The following ZNF644 variants were observed in gnomAD, a reference collection of about 807,000 sequenced individuals.
ZNF644 encodes the protein zinc finger protein 644, also known as zinc finger motif enhancer binding protein 2.
A neutral mutation model predicts 108.0 loss-of-function variants in ZNF644; 20 were observed. The ratio of observed to expected loss-of-function variants is 0.19; its 90% CI spans 0.13 to 0.27. The LOEUF is 0.27. Among genes scored for constraint, ZNF644 ranks in the 10% least tolerant of loss-of-function variants. ZNF644 has a pLI of 1.00. For missense variants in ZNF644, 1,338 were observed against 1,548.9 expected, an observed-to-expected ratio of 0.86 and a Z score of 2.29; for synonymous variants, 542 against 539.1, an observed-to-expected ratio of 1.01 and a Z score of -0.08.
At chr1:90,956,901 A>G (rs1653807326) in intron 2 of ZNF644, among the ~76,000 whole-genome samples, 1 of 152,182 alleles carries the variant, frequency 6.6e-6, no homozygotes. Context: ...CAAGATTGAC[A>G]AAGGAATTGA....
Position 90,938,205 on chromosome 1 carries a change from A to C in ZNF644, c.3082+67T>G, listed in dbSNP as rs1189558692. On this transcript the variant is annotated intron_variant, in intron 3 of 5. Transcript: ENST00000337393. This position sits in a 1 kb window ranked among gnomAD's most constrained non-coding sequence, Gnocchi z 4.2. ...TTCTAATAAAGACTAAATTCAAAAAAAACTTTTAAATCTTCAGAATTAGAA... is the reference window on the plus strand; with the variant it reads ...TTCTAATAAAGACTAAATTCAAAAACAACTTTTAAATCTTCAGAATTAGAA... 6.2e-7 allele frequency: 1 copy of C among 1,611,640 alleles called. No homozygotes were observed. The highest frequency in any genetic ancestry group is 8.5e-7 in the Non-Finnish European group (1 of 1,178,490).
At chr1:90,960,246 G>GT (rs1252577109) in intron 2 of ZNF644, among the ~76,000 whole-genome samples, 5 of 152,102 alleles carry the variant, frequency 3.3e-5, no homozygotes, top group African/African-American at 9.7e-5. Context: ...TAAGATCTAC[G>GT]TAAGAACAAA....
intron 4 of ZNF644, among the ~76,000 whole-genome samples, chr1:90,925,211 AG>A (rs1257484190): frequency 6.6e-6 from 1 of 152,096 alleles, no homozygotes; most frequent in African/African-American, 2.4e-5. Context: ...CACTGGGGGG[AG>A]GGCAATTGTT....
chr1:90,940,977 G>GT lies in ZNF644; in HGVS notation c.376dup (p.Thr126AsnfsTer2). 1 of 1,614,078 alleles carries GT rather than the reference G, an allele frequency of 6.2e-7. No homozygotes were observed. The highest frequency in any genetic ancestry group is 1.3e-5 in the African/African-American group (1 of 75,032). On this transcript the variant is annotated frameshift_variant, in exon 3 of 6. Coordinates refer to ENST00000337393, the MANE Select transcript of ZNF644 (RefSeq NM_201269.3). LOFTEE classifies it high-confidence loss of function. ...GCCTTTATTCATATTGGAAGTCTTAGTTAAGGAGGAGTGTGAAACTGGTCC... is the reference window on the plus strand; with the variant it reads ...GCCTTTATTCATATTGGAAGTCTTAGTTTAAGGAGGAGTGTGAAACTGGTCC...
intron 1 of ZNF644, among the ~76,000 whole-genome samples, chr1:91,016,099 A>G (rs1451793539): frequency 6.6e-6 from 1 of 152,112 alleles, no homozygotes; most frequent in Non-Finnish European, 1.5e-5. Context: ...TACAATTGCA[A>G]TTGTGATTCT....
At chr1:90,985,762 T>C (rs1456164849) in intron 1 of ZNF644, among the ~76,000 whole-genome samples, 1 of 152,216 alleles carries the variant, frequency 6.6e-6, no homozygotes, top group Non-Finnish European at 1.5e-5. Flanking sequence ...GTAGTGAACA[T>C]GGACATGCAG....
At chr1:91,020,595 C>G (rs961472138) in intron 1 of ZNF644, 1 of 152,164 alleles carries the variant, frequency 6.6e-6, no homozygotes, top group African/African-American at 2.4e-5. Flanking sequence ...GCAAGCCTAC[C>G]AAAATGCAAT....
chr1:90,940,587 T>A lies in ZNF644; in HGVS notation c.767A>T (p.Asp256Val). 1 of 1,614,010 alleles carries A rather than the reference T, an allele frequency of 6.2e-7. No individual in the cohort carries two copies. Among genetic ancestry groups the A allele is most frequent in the South Asian group, 1.1e-5 (1 of 91,080 alleles). ...SGTDGFRSEN[D>V]TNWDPQKEFI... ...CTCTTTTTGGGGATCCCAGTTTGTA[T>A]CATTTTCTGACCTAAATCCATCTGT... Residue 256 changes from aspartate to valine, a missense_variant, in exon 3 of 6, where the codon GAT becomes GTT. Coordinates refer to ENST00000337393, the MANE Select transcript of ZNF644 (RefSeq NM_201269.3).
Position 91,009,543 on chromosome 1 carries a change from T to C in ZNF644, c.-18+12447A>G, listed in dbSNP as rs1659748275. The stretch of plus-strand genomic sequence containing the variant: ...ACAAGTATCTATTTAAAAACAAATA[T>C]AAATATGTAGTCCACATTGTTAATT... On this transcript the variant is annotated intron_variant, in intron 1 of 5. Transcript: ENST00000337393. Among the ~76,000 whole-genome samples the C allele has an allele frequency of 3.3e-5, 5 of 152,124 alleles. No individual in the cohort carries two copies. In the South Asian group the frequency reaches 1.0e-3, roughly 31 times the overall value.
intron 2 of ZNF644, among the ~76,000 whole-genome samples, chr1:90,972,298 A>T (rs1318168033): frequency 1.3e-5 from 2 of 152,216 alleles, no homozygotes; most frequent in Non-Finnish European, 2.9e-5. Flanking sequence ...ACAGAAAAAC[A>T]ACATGATTAA....
chr1:91,020,717 C>A (rs1557674019), intron 1 of ZNF644: 1 of 152,182 alleles, frequency 6.6e-6, no homozygotes, highest in Non-Finnish European at 1.5e-5. Context: ...TTTTCCTTCT[C>A]ATGGGACCAA....
intron 1 of ZNF644, among the ~76,000 whole-genome samples, chr1:90,992,765 C>T (rs1297283906): frequency 5.3e-5 from 8 of 152,064 alleles, no homozygotes; most frequent in South Asian, 2.1e-4. Context: ...AGAGGTGGTC[C>T]GCCAGGTGCA....
At chr1:90,935,580 ATTTTC>A in intron 4 of ZNF644, 1 of 984,816 alleles carries the variant, frequency 1.0e-6, no homozygotes, top group South Asian at 4.7e-5. Context: ...AAAAAGTGAA[ATTTTC>A]TTAGCTTAAA....
chr1:91,012,768 AC>A (rs982376131), intron 1 of ZNF644, among the ~76,000 whole-genome samples: 72 of 152,246 alleles, frequency 4.7e-4, no homozygotes, highest in African/African-American at 1.7e-3. Flanking sequence ...CCTGGGAGTT[AC>A]CTAGGTATAC....
chr1:90,926,813 T>A (rs547817203), intron 4 of ZNF644, among the ~76,000 whole-genome samples: 1 of 152,298 alleles, frequency 6.6e-6, no homozygotes, highest in South Asian at 2.1e-4. Flanking sequence ...ACAGGACTCT[T>A]AAAATGATCT....
chr1:90,957,969 A>G (rs1653919169), intron 2 of ZNF644, among the ~76,000 whole-genome samples: 1 of 152,196 alleles, frequency 6.6e-6, no homozygotes, highest in Non-Finnish European at 1.5e-5. Context: ...GTGCTTCTAT[A>G]TACCAGCAAC....
At chr1:91,009,782 T>G (rs74228360) in intron 1 of ZNF644, among the ~76,000 whole-genome samples, 18,016 of 152,152 alleles carry the variant, frequency 0.12, 1,121 homozygotes, top group South Asian at 0.16. Context: ...GCCAAGCCAG[T>G]TTTTTTAAGA....
chr1:90,980,420 C>T lies in ZNF644; in HGVS notation c.44+1890G>A, dbSNP rs553481744. 4.6e-5 allele frequency among the ~76,000 whole-genome samples: 7 copies of T among 152,224 alleles called. No homozygotes were observed. The South Asian group carries it at 1.0e-3, about 23-fold the overall frequency. On this transcript the variant is annotated intron_variant, in intron 2 of 5. Coordinates refer to ENST00000337393, the MANE Select transcript of ZNF644 (RefSeq NM_201269.3). ...AATCCTCAGCATTCTGGCATAGCTA[C>T]GGTGAGATAACTGCATGCCGTGTTA... is the stretch of plus-strand genomic sequence containing the variant.
chr1:91,021,774 C>T (rs1660959703), intron 1 of ZNF644: 1 of 371,226 alleles, frequency 2.7e-6, no homozygotes, highest in African/African-American at 2.1e-5. Flanking sequence ...ACCAACTCCG[C>T]CTCCTCGGCC....
Sources: gnomAD v4.1 joint callset for allele counts (sites outside exome capture counted in the v4.1 genomes callset) on GRCh38, gnomAD v4.1.1 for gene constraint, Gnocchi (gnomAD v3.1) non-coding constraint, MANE v1.5 for transcripts, NCBI Gene and HGNC (gene_info 2026-07-23, HGNC 2026-07-21) for gene names.